ITGAV: variants seen among roughly 807,000 people sequenced by gnomAD.
ITGAV encodes the protein integrin subunit alpha V, also known as integrin alpha-V.
In ITGAV, 76 loss-of-function variants were observed where a neutral mutation model predicts 143.8. That is an observed-to-expected ratio of 0.53 (90% confidence interval 0.44 to 0.64). The LOEUF (loss-of-function observed/expected upper bound fraction) is 0.64. Ranked by LOEUF, ITGAV falls within the 30% of genes least tolerant of loss-of-function variation. The probability of loss-of-function intolerance (pLI) is 0.00; values close to 1 mark genes in which losing one functional copy is unlikely to be tolerated. For missense variants in ITGAV, 1,193 were observed against 1,274.7 expected (o/e 0.94, Z 0.98); for synonymous variants, 453 against 446.7 (o/e 1.01, Z -0.18).
intron 26 of ITGAV, chr2:186,670,104 G>T: frequency 2.8e-6 from 1 of 357,742 alleles, no homozygotes; most frequent in Non-Finnish European, 5.1e-6. Flanking sequence ...AATCTCTGAG[G>T]CTTTAGTACG....
chr2:186,667,229 G>C lies in ITGAV; in HGVS notation c.2326G>C (p.Gly776Arg). Reference protein sequence around the residue: ...LAVLAAVEIRGVSSPDHVFLP... With the variant: ...LAVLAAVEIRRVSSPDHVFLP... Reference sequence around the variant, plus strand: ...TGTTTTAGCTGCAGTTGAGATAAGAGGGTCAGTATGAATACTTAGTTGAGT... The same window carrying C: ...TGTTTTAGCTGCAGTTGAGATAAGACGGTCAGTATGAATACTTAGTTGAGT... The change falls in exon 23 of 30, where the codon GGA (glycine) becomes CGA (arginine). Residue 776 changes from glycine to arginine, a missense_variant and splice_region_variant. By Grantham distance (125) the Gly-to-Arg change is moderately radical. Transcript: ENST00000261023. 6.2e-7 allele frequency: 1 copy of C among 1,601,880 alleles called. No individual in the cohort carries two copies. The highest frequency in any genetic ancestry group is 8.6e-7 in the Non-Finnish European group (1 of 1,169,548).
At chr2:186,611,554 G>A (rs369297116) in intron 2 of ITGAV, among the ~76,000 whole-genome samples, 5 of 152,076 alleles carry the variant, frequency 3.3e-5, no homozygotes, top group Non-Finnish European at 7.3e-5. Context: ...GCTGAGGCAA[G>A]AACCATGCTT....
intron 25 of ITGAV, among the ~76,000 whole-genome samples, chr2:186,669,416 A>G (rs1438783032): frequency 6.6e-6 from 1 of 152,234 alleles, no homozygotes; most frequent in Non-Finnish European, 1.5e-5. Context: ...TCACAAATGT[A>G]CTGTGGAATT....
At chr2:186,651,593 C>G (rs1283401022) in intron 14 of ITGAV, among the ~76,000 whole-genome samples, 1 of 151,624 alleles carries the variant, frequency 6.6e-6, no homozygotes, top group Non-Finnish European at 1.5e-5. Flanking sequence ...TTTTTTCTCT[C>G]CCACTAAAAC....
intron 2 of ITGAV, among the ~76,000 whole-genome samples, chr2:186,615,290 A>T (rs751517394): frequency 3.3e-5 from 5 of 152,100 alleles, no homozygotes; most frequent in Admixed American, 1.3e-4. Context: ...TTGTGGGGAC[A>T]TATGTTTTCC....
chr2:186,632,494 A>T (rs1422827406), intron 5 of ITGAV, among the ~76,000 whole-genome samples: 2 of 152,136 alleles, frequency 1.3e-5, no homozygotes, highest in African/African-American at 4.8e-5. Flanking sequence ...GAGGGGAAAA[A>T]AAATTTATCT....
At position 186,680,475 on chromosome 2, in the gene ITGAV, A is replaced by G. The variant is rs1393024475; in HGVS notation, c.*3183A>G. 2 of 152,540 alleles carry G rather than the reference A, an allele frequency of 1.3e-5. No individual in the cohort carries two copies. Among genetic ancestry groups the G allele is most frequent in the East Asian group, 3.8e-4 (2 of 5,198 alleles). 9.4% of individuals were successfully genotyped at this position (152,540 alleles called of 1,614,324 possible). A position where few individuals can be genotyped will look rare whatever the true frequency, so the allele number is the denominator to read the frequency against. ...TTTTGTCATTGTTCTCAAGTGCAAT[A>G]TAACAATGTAACCAAATCTAGATAA... On this transcript the variant is annotated 3_prime_UTR_variant, in exon 30 of 30. Coordinates refer to ENST00000261023, the MANE Select transcript of ITGAV (RefSeq NM_002210.5).
chr2:186,663,010 TTA>T (rs1688789483), intron 18 of ITGAV, among the ~76,000 whole-genome samples: 1 of 152,198 alleles, frequency 6.6e-6, no homozygotes, highest in Non-Finnish European at 1.5e-5. Context: ...TTCTTAATTT[TTA>T]TGTTTCTTCT....
intron 1 of ITGAV, among the ~76,000 whole-genome samples, chr2:186,595,688 T>TA (rs3835762): frequency 4.7e-5 from 7 of 150,052 alleles, no homozygotes; most frequent in East Asian, 1.9e-4. Context: ...TTCCAGTCAT[T>TA]AAAAAAAAAA....
At chr2:186,636,992 A>T in intron 7 of ITGAV, 73 bp from the exon 8 acceptor site, 1 of 1,216,234 alleles carries the variant, frequency 8.2e-7, no homozygotes, top group Non-Finnish European at 1.2e-6. Flanking sequence ...ATTTTCAAGG[A>T]ATGCTTACTC....
At chr2:186,644,335 GT>G (rs1427439565) in intron 12 of ITGAV, among the ~76,000 whole-genome samples, 7 of 145,222 alleles carry the variant, frequency 4.8e-5, no homozygotes, top group South Asian at 2.2e-4. Flanking sequence ...TTTGTTTTTT[GT>G]TTTTTTTTTA....
chr2:186,665,009 C>T, intron 20 of ITGAV, 117 bp from the exon 21 acceptor site: 1 of 689,798 alleles, frequency 1.4e-6, no homozygotes, highest in Non-Finnish European at 2.4e-6. Flanking sequence ...TTTTTCCTTA[C>T]CTCCTGGTTT....
chr2:186,653,417 A>G (rs1040067036), intron 15 of ITGAV, among the ~76,000 whole-genome samples: 2 of 152,184 alleles, frequency 1.3e-5, no homozygotes, highest in African/African-American at 4.8e-5. Flanking sequence ...TTACTTACAC[A>G]GACGAGTTGC....
intron 2 of ITGAV, 80 bp from the exon 3 acceptor site, chr2:186,622,259 A>G: frequency 1.0e-6 from 1 of 962,550 alleles, no homozygotes; most frequent in African/African-American, 1.6e-5. Context: ...CTATTTCTCA[A>G]CCTAGCTGGG....
intron 17 of ITGAV, among the ~76,000 whole-genome samples, chr2:186,657,525 A>C (rs980082806): frequency 3.3e-5 from 5 of 152,210 alleles, no homozygotes; most frequent in Admixed American, 6.5e-5. Context: ...ATTTACTTGC[A>C]ACCGTATTAC....
chr2:186,664,734 G>A (rs1332653638), intron 20 of ITGAV, 93 bp downstream of exon 20: 7 of 1,476,814 alleles, frequency 4.7e-6, no homozygotes, highest in African/African-American at 4.2e-5. Flanking sequence ...CACAAGCTTA[G>A]CTATTCTACC....
In ITGAV at chr2:186,641,591, A is replaced by G. The variant is rs779613600; in HGVS notation, c.1159+3A>G. ...TCTGGACCAGGATGGTTTCAATGGT[A>G]AGATCAAAGTTTAGCAGCTACAGGT... On this transcript the variant is annotated splice_donor_region_variant and intron_variant, in intron 12 of 29. Coordinates refer to ENST00000261023, the MANE Select transcript of ITGAV (RefSeq NM_002210.5). The G allele has an allele frequency of 1.9e-6, 3 of 1,613,096 alleles. No homozygotes were observed. In the Admixed American group the frequency reaches 5.0e-5, roughly 27 times the overall value.
intron 13 of ITGAV, 57 bp from the exon 14 acceptor site, chr2:186,649,783 T>C (rs1370678241): frequency 4.4e-6 from 5 of 1,135,560 alleles, no homozygotes; most frequent in Non-Finnish European, 6.4e-6. Context: ...TATAGAATGG[T>C]ATATACATTT....
intron 4 of ITGAV, among the ~76,000 whole-genome samples, chr2:186,629,067 C>CA (rs1415691895): frequency 6.6e-6 from 1 of 151,950 alleles, no homozygotes; most frequent in Non-Finnish European, 1.5e-5. Context: ...ATACCTGACT[C>CA]AGAGTAAAGG....
Sources: allele counts gnomAD v4.1 joint callset (sites outside exome capture counted in the v4.1 genomes callset), GRCh38; gene constraint gnomAD v4.1.1; transcripts MANE v1.5; gene names NCBI Gene and HGNC (gene_info 2026-07-23, HGNC 2026-07-21).